Variants in RGS8 observed in about 807,000 individuals in gnomAD.
RGS8 encodes the protein regulator of G protein signaling 8, also known as regulator of G-protein signaling 8.
Under a neutral mutation model 21.7 loss-of-function variants are expected in RGS8, and 8 were observed. The observed-to-expected ratio is 0.37, with a 90% CI of 0.22 to 0.66. The LOEUF (loss-of-function observed/expected upper bound fraction) is 0.66. RGS8 is among the 30% of genes least tolerant of loss of function. The probability of loss-of-function intolerance (pLI) is 0.59; values close to 1 mark genes in which losing one functional copy is unlikely to be tolerated. For missense variants in RGS8, 157 were observed against 217.9 expected (o/e 0.72, Z 1.76); for synonymous variants, 80 against 83.6 (o/e 0.96, Z 0.24).
chr1:182,669,713 ACTGCGGGG>A lies in RGS8; in HGVS notation c.-72_-65del. On this transcript the variant is annotated 5_prime_UTR_variant, in exon 3 of 7. Coordinates refer to ENST00000483095, the Ensembl canonical transcript of RGS8. ...CAGGGACGTCAGGGCAGGAAATAAG[ACTGCGGGG>A]CTCAGGAATTTACCCTTGCACGTCC... The A allele has an allele frequency of 1.9e-6, 3 of 1,612,274 alleles. No homozygotes were observed. In the East Asian group the frequency reaches 6.7e-5, roughly 36 times the overall value.
the RGS8 span, among the ~76,000 whole-genome samples, chr1:182,689,610 A>G: frequency 5.9e-5 from 9 of 152,192 alleles, no homozygotes; most frequent in East Asian, 1.7e-3. Flanking sequence ...CAGAAACACA[A>G]TCAAAATCAC....
chr1:182,701,973 A>G, the RGS8 span, among the ~76,000 whole-genome samples: 1 of 152,190 alleles, frequency 6.6e-6, no homozygotes, highest in African/African-American at 2.4e-5. Context: ...AATAACACTT[A>G]CACACTATTG....
the RGS8 span, among the ~76,000 whole-genome samples, chr1:182,737,423 C>G: frequency 6.6e-6 from 1 of 152,098 alleles, no homozygotes; most frequent in African/African-American, 2.4e-5. Context: ...TCCCATAACC[C>G]CATGTGTCGT....
the RGS8 span, among the ~76,000 whole-genome samples, chr1:182,741,311 C>T: frequency 3.0e-4 from 1 of 3,284 alleles, no homozygotes; most frequent in Non-Finnish European, 7.5e-4. Context: ...GGGTGGGGGG[C>T]TGACCCCCCA....
intron 1 of RGS8, among the ~76,000 whole-genome samples, chr1:182,681,769 G>T (rs969618492): frequency 6.6e-6 from 1 of 152,246 alleles, no homozygotes; most frequent in African/African-American, 2.4e-5. Flanking sequence ...GGTGCACTCC[G>T]ATGCACGGAG....
the RGS8 span, among the ~76,000 whole-genome samples, chr1:182,747,913 T>A: frequency 6.6e-6 from 1 of 152,204 alleles, no homozygotes; most frequent in Non-Finnish European, 1.5e-5. Context: ...CTTTTTTGTT[T>A]TGTCTGTTTC....
At chr1:182,731,158 G>A in the RGS8 span, among the ~76,000 whole-genome samples, 45 of 152,236 alleles carry the variant, frequency 3.0e-4, no homozygotes, top group Admixed American at 6.5e-5. Flanking sequence ...GGATCCCCAC[G>A]TGGCAACACT....
the RGS8 span, among the ~76,000 whole-genome samples, chr1:182,720,949 A>G: frequency 3.9e-5 from 3 of 77,722 alleles, no homozygotes; most frequent in Non-Finnish European, 8.2e-5. Context: ...ATATATACAT[A>G]TATACATACA....
the RGS8 span, among the ~76,000 whole-genome samples, chr1:182,747,043 C>CTGTTTTTTTTT: frequency 4.8e-5 from 1 of 21,048 alleles, no homozygotes; most frequent in Non-Finnish European, 9.4e-5. Context: ...CACTGCTGGT[C>CTGTTTTTTTTT]TTTTTTTTTT....
chr1:182,690,286 A>G, the RGS8 span, among the ~76,000 whole-genome samples: 1 of 152,220 alleles, frequency 6.6e-6, no homozygotes, highest in East Asian at 1.9e-4. Context: ...CTGGTACAAC[A>G]ATAGCACACT....
At chr1:182,686,085 A>T (rs1011437009), upstream of RGS8, among the ~76,000 whole-genome samples, 2 of 152,106 alleles carry the variant, frequency 1.3e-5, no homozygotes, top group Non-Finnish European at 2.9e-5. Context: ...TTACATGTGG[A>T]TGTCGACAAG....
the RGS8 span, among the ~76,000 whole-genome samples, chr1:182,702,757 G>T: frequency 6.6e-6 from 1 of 152,082 alleles, no homozygotes; most frequent in East Asian, 1.9e-4. Context: ...AATAATAATG[G>T]AAATTTCAGG....
intron 4 of RGS8, among the ~76,000 whole-genome samples, chr1:182,666,364 G>A (rs1663859672): frequency 6.6e-6 from 1 of 152,196 alleles, no homozygotes. Flanking sequence ...GTTAGACTCA[G>A]CTCCTGACTC....
chr1:182,726,162 T>C, the RGS8 span, among the ~76,000 whole-genome samples: 1 of 151,866 alleles, frequency 6.6e-6, no homozygotes, highest in African/African-American at 2.4e-5. Flanking sequence ...GAATTTCATT[T>C]GTGCCTATGT....
chr1:182,711,366 G>A, the RGS8 span, among the ~76,000 whole-genome samples: 2 of 152,186 alleles, frequency 1.3e-5, no homozygotes, highest in Admixed American at 6.5e-5. Context: ...CCATTAAAAT[G>A]TCATTCTTCT....
the RGS8 span, among the ~76,000 whole-genome samples, chr1:182,713,080 G>A: frequency 4.6e-5 from 7 of 152,172 alleles, no homozygotes; most frequent in African/African-American, 9.7e-5. Flanking sequence ...GAGCCATGGC[G>A]ACCAACTAAG....
At chr1:182,706,113 G>A in the RGS8 span, among the ~76,000 whole-genome samples, 1 of 152,012 alleles carries the variant, frequency 6.6e-6, no homozygotes, top group Non-Finnish European at 1.5e-5. Context: ...CTCCCAAGTG[G>A]CTGGGACTAT....
At chr1:182,656,327 C>A (rs1256483767) in intron 5 of RGS8, among the ~76,000 whole-genome samples, 1 of 152,058 alleles carries the variant, frequency 6.6e-6, no homozygotes, top group Non-Finnish European at 1.5e-5. Flanking sequence ...ATACCACAGC[C>A]CAGCAAGTGT....
chr1:182,654,081 T>C (rs1663149853), intron 5 of RGS8, among the ~76,000 whole-genome samples: 1 of 152,328 alleles, frequency 6.6e-6, no homozygotes, highest in Admixed American at 6.5e-5. Flanking sequence ...ACAAAGCTGA[T>C]CCATAGATAA....
Sources: allele counts gnomAD v4.1 joint callset (sites outside exome capture counted in the v4.1 genomes callset), GRCh38; gene constraint gnomAD v4.1.1; transcripts MANE v1.5; gene names NCBI Gene and HGNC (gene_info 2026-07-23, HGNC 2026-07-21).